The following PAMR1 variants were observed in gnomAD, a reference collection of about 807,000 sequenced individuals.
PAMR1 encodes inactive serine protease PAMR1.
Under a neutral mutation model 81.8 loss-of-function variants are expected in PAMR1, and 88 were observed. The ratio of observed to expected loss-of-function variants is 1.08; its 90% CI spans 0.91 to 1.28. The LOEUF (loss-of-function observed/expected upper bound fraction) is 1.28, where lower values mean the gene tolerates loss of function less well. Ranked by LOEUF, PAMR1 falls within the 50% of genes most tolerant of loss-of-function variation. PAMR1 has a pLI of 0.00. For synonymous variants in PAMR1, 336 were observed against 345.3 expected (o/e 0.97, Z 0.30); for missense variants, 935 against 919.7 (o/e 1.02, Z -0.21).
chr11:35,458,723 A>T (rs992351497), intron 6 of PAMR1, among the ~76,000 whole-genome samples: 1 of 152,218 alleles, frequency 6.6e-6, no homozygotes, highest in Non-Finnish European at 1.5e-5. Flanking sequence ...TCAAGGAAAC[A>T]ACTTGTGACA....
At chr11:35,508,880 G>A (rs617261) in intron 1 of PAMR1, among the ~76,000 whole-genome samples, 66,873 of 151,976 alleles carry the variant, frequency 0.44, 15,071 homozygotes, top group East Asian at 0.69. Flanking sequence ...AGGACTTGAT[G>A]TCATTTTTTA....
intron 1 of PAMR1, among the ~76,000 whole-genome samples, chr11:35,501,199 C>T (rs1427270475): frequency 1.3e-5 from 2 of 150,292 alleles, no homozygotes; most frequent in Non-Finnish European, 3.0e-5. Context: ...GGCACAATCT[C>T]GGCTCAATGC....
intron 1 of PAMR1, among the ~76,000 whole-genome samples, chr11:35,524,370 G>C (rs189663370): frequency 6.6e-6 from 1 of 152,170 alleles, no homozygotes; most frequent in Non-Finnish European, 1.5e-5. Flanking sequence ...GGGCAGGGGG[G>C]TTTGTGTATC....
intron 1 of PAMR1, among the ~76,000 whole-genome samples, chr11:35,500,304 T>G (rs1850807828): frequency 6.6e-6 from 1 of 152,204 alleles, no homozygotes. Flanking sequence ...CTGTTCCTCA[T>G]TTTCTCCACT....
chr11:35,491,847 C>T (rs1010978159), intron 3 of PAMR1, among the ~76,000 whole-genome samples, 198 bp downstream of exon 3: 2 of 152,140 alleles, frequency 1.3e-5, no homozygotes, highest in Admixed American at 1.3e-4. Context: ...CCTCCTGTGG[C>T]CAAGAATTCA....
chr11:35,516,402 G>A (rs1269833828), intron 1 of PAMR1, among the ~76,000 whole-genome samples: 4 of 152,080 alleles, frequency 2.6e-5, no homozygotes, highest in Non-Finnish European at 4.4e-5. Context: ...AGATGAATTC[G>A]GTATATATTC....
chr11:35,519,382 T>C (rs370208386), intron 1 of PAMR1, among the ~76,000 whole-genome samples: 7 of 152,288 alleles, frequency 4.6e-5, no homozygotes, highest in African/African-American at 1.7e-4. Flanking sequence ...CTTAAGAGTT[T>C]ACACAGAACA....
intron 1 of PAMR1, among the ~76,000 whole-genome samples, chr11:35,521,442 T>C (rs1308342521): frequency 6.6e-6 from 1 of 152,150 alleles, no homozygotes; most frequent in Non-Finnish European, 1.5e-5. Context: ...TTAGCAGGTA[T>C]TAAACATATG....
At chr11:35,527,681 C>T (rs1179093327), upstream of PAMR1, among the ~76,000 whole-genome samples, 4 of 152,150 alleles carry the variant, frequency 2.6e-5, no homozygotes, top group African/African-American at 4.8e-5. Context: ...GGCATAAGAG[C>T]CTCTCAGGAG....
intron 1 of PAMR1, among the ~76,000 whole-genome samples, chr11:35,516,916 G>C (rs1435142620): frequency 6.6e-6 from 1 of 152,216 alleles, no homozygotes; most frequent in South Asian, 2.1e-4. Flanking sequence ...ACAAATAATC[G>C]CAAGGGATTA....
chr11:35,466,923 C>A (rs1157481811), intron 6 of PAMR1, among the ~76,000 whole-genome samples: 4 of 152,000 alleles, frequency 2.6e-5, no homozygotes, highest in African/African-American at 7.2e-5. Context: ...GCCCTTTTCC[C>A]CTCCCCATCC....
At chr11:35,498,864 C>T (rs1302099390) in intron 1 of PAMR1, among the ~76,000 whole-genome samples, 1 of 152,214 alleles carries the variant, frequency 6.6e-6, no homozygotes, top group African/African-American at 2.4e-5. Flanking sequence ...AAAATGCACA[C>T]CCCTTCGATC....
chr11:35,512,993 AAAAT>A (rs1851100217), intron 1 of PAMR1, among the ~76,000 whole-genome samples: 2 of 152,204 alleles, frequency 1.3e-5, no homozygotes, highest in African/African-American at 4.8e-5. Flanking sequence ...CCTGTCTAAA[AAAAT>A]AAATAAATAA....
At position 35,514,735 on chromosome 11, in the gene PAMR1, C is replaced by T. The variant is rs571437507; in HGVS notation, c.73+10778G>A. Among the ~76,000 whole-genome samples, 69 of 152,274 alleles carry T rather than the reference C, an allele frequency of 4.5e-4. 1 individual carries two copies. The South Asian group carries it at 0.013, about 29-fold the overall frequency. On this transcript the variant is annotated intron_variant, in intron 1 of 10. Transcript: ENST00000619888. ...GGTGTGATGGCTCATGCCTGTAATC[C>T]TAGAGCTTTGGGAGGCCGTGGTGGG...
Position 35,497,274 on chromosome 11 carries a change from A to G in PAMR1, c.74-3002T>C, listed in dbSNP as rs565479839. On this transcript the variant is annotated intron_variant, in intron 1 of 10. Coordinates refer to ENST00000619888, the MANE Select transcript of PAMR1 (RefSeq NM_001001991.3). ...AAGAAATGAGGAGCTGCTAGGTGCTACAATGTAAATGAACCTTGAAATCAT... is the reference window on the plus strand; with the variant it reads ...AAGAAATGAGGAGCTGCTAGGTGCTGCAATGTAAATGAACCTTGAAATCAT... 3.3e-5 allele frequency among the ~76,000 whole-genome samples: 5 copies of G among 152,336 alleles called. No individual in the cohort carries two copies. In the South Asian group the frequency reaches 1.0e-3, roughly 32 times the overall value.
intron 3 of PAMR1, among the ~76,000 whole-genome samples, chr11:35,477,972 C>A (rs566055839): frequency 6.6e-6 from 1 of 152,280 alleles, no homozygotes; most frequent in South Asian, 2.1e-4. Flanking sequence ...GTGTGAGAGA[C>A]AACAAAAGAA....
At chr11:35,507,302 C>T (rs1850982534) in intron 1 of PAMR1, among the ~76,000 whole-genome samples, 1 of 152,024 alleles carries the variant, frequency 6.6e-6, no homozygotes, top group South Asian at 2.1e-4. Flanking sequence ...CCACCTTGGC[C>T]TCCCAAAGCA....
chr11:35,434,441 A>T, intron 10 of PAMR1, 71 bp downstream of exon 10: 1 of 1,463,960 alleles, frequency 6.8e-7, no homozygotes, highest in Non-Finnish European at 9.4e-7. Context: ...GCTTGGTATA[A>T]TCACTGCTCT....
intron 5 of PAMR1, among the ~76,000 whole-genome samples, chr11:35,468,438 C>T (rs7929043): frequency 0.088 from 13,329 of 152,128 alleles, 1,320 homozygotes; most frequent in African/African-American, 0.24. Context: ...GGGGTTTCAG[C>T]GGACAGAGAC....
Sources: gnomAD v4.1 joint callset for allele counts (sites outside exome capture counted in the v4.1 genomes callset) on GRCh38, gnomAD v4.1.1 for gene constraint, MANE v1.5 for transcripts, NCBI Gene and HGNC (gene_info 2026-07-23, HGNC 2026-07-21) for gene names.